OR10AG1: variants seen among roughly 807,000 people sequenced by gnomAD.
OR10AG1 encodes the protein olfactory receptor 10AG1.
For synonymous variants in OR10AG1, 147 were observed against 128.6 expected, an observed-to-expected ratio of 1.14 and a Z score of -0.97; for missense variants, 433 against 376.5, an observed-to-expected ratio of 1.15 and a Z score of -1.24.
chr11:55,967,947 G>C lies in OR10AG1; in HGVS notation c.577C>G (p.Pro193Ala). ...CCACAAGCAAGCTTGAGTATTGGCG[G>C]GATGTCACAAAAGAAATGATTAATT... ...NTINHFFCDI[P>A]PILKLACGNI... The change falls in exon 2 of 2, where the codon CCG becomes GCG. Residue 193 changes from proline (P) to alanine (A), a missense_variant. Transcript: ENST00000641071. 6.2e-7 allele frequency: 1 copy of C among 1,613,994 alleles called. No homozygotes were observed. Among genetic ancestry groups the C allele is most frequent in the Non-Finnish European group, 8.5e-7 (1 of 1,179,972 alleles).
chr11:55,967,991 G>A lies in OR10AG1; in HGVS notation c.533C>T (p.Pro178Leu). Residue 178 changes from proline to leucine, a missense_variant, in exon 2 of 2, where the codon CCC (proline) becomes CTC (leucine). Coordinates refer to ENST00000641071, the MANE Select transcript of OR10AG1 (RefSeq NM_001005491.2). ...ATTAATTGTGTTAGTTCCGCAAAAG[G>A]GCAAAAGGAAAATTTGGCATGTTTC... ...IGETCQIFLL[P>L]FCGTNTINHF... The A allele has an allele frequency of 5.0e-6, 8 of 1,614,018 alleles. No homozygotes were observed. Among genetic ancestry groups the A allele is most frequent in the Non-Finnish European group, 6.8e-6 (8 of 1,179,974 alleles).
chr11:55,966,467 C>T lies in OR10AG1; in HGVS notation c.*1091G>A, dbSNP rs1454807681. On this transcript the variant is annotated 3_prime_UTR_variant, in exon 2 of 2. Transcript: ENST00000641071. Reference sequence around the variant, plus strand: ...CAATTTGTGTGATATATTATTTCCCCTGGTTTATCTTAACAACTTACTGCA... The same window carrying T: ...CAATTTGTGTGATATATTATTTCCCTTGGTTTATCTTAACAACTTACTGCA... 1.3e-5 allele frequency: 2 copies of T among 151,924 alleles called. No individual in the cohort carries two copies. Among genetic ancestry groups the T allele is most frequent in the African/African-American group, 4.8e-5 (2 of 41,308 alleles). 9.4% of individuals were successfully genotyped at this position (151,924 alleles called of 1,614,324 possible).
Position 55,967,654 on chromosome 11 carries a change from G to T in OR10AG1, c.870C>A (p.Thr290=), listed in dbSNP as rs997537950. The T allele has an allele frequency of 6.2e-7, 1 of 1,612,548 alleles. No individual in the cohort carries two copies. The highest frequency in any genetic ancestry group is 8.5e-7 in the Non-Finnish European group (1 of 1,178,746). The change falls in exon 2 of 2, where the codon ACC becomes ACA. Residue 290 remains threonine, a synonymous_variant. Coordinates refer to ENST00000641071, the MANE Select transcript of OR10AG1 (RefSeq NM_001005491.2). ...RMGKLISLFY[T]ILIPTLNPII... Reference sequence around the variant, plus strand: ...TAGGATTCAAAGTTGGAATCAGAATGGTGTAGAAAAGAGAAATCAGTTTCC... The same window carrying T: ...TAGGATTCAAAGTTGGAATCAGAATTGTGTAGAAAAGAGAAATCAGTTTCC...
In OR10AG1 at chr11:55,967,304, A is replaced by G; in HGVS notation, c.*254T>C. The G allele has an allele frequency of 3.0e-6, 1 of 338,518 alleles. No individual in the cohort carries two copies. The highest frequency in any genetic ancestry group is 5.4e-6 in the Non-Finnish European group (1 of 186,742). The allele number at this position is 338,518 out of a possible 1,614,324, so 21.0% of individuals were successfully genotyped here. On this transcript the variant is annotated 3_prime_UTR_variant, in exon 2 of 2. Transcript: ENST00000641071. ...TCAGTTATTTTTCATTTTATTGCTC[A>G]GGTGGTCTCTTAATCAACAGTTAAC...
chr11:55,967,994 A>T lies in OR10AG1; in HGVS notation c.530T>A (p.Leu177Ter). 1 of 1,614,088 alleles carries T rather than the reference A, an allele frequency of 6.2e-7. No homozygotes were observed. The highest frequency in any genetic ancestry group is 8.5e-7 in the Non-Finnish European group (1 of 1,179,992). ...VIGETCQIFL[L>*]PFCGTNTINH... is the part of the protein sequence containing the mutation. ...AATTGTGTTAGTTCCGCAAAAGGGC[A>T]AAAGGAAAATTTGGCATGTTTCCCC... The change falls in exon 2 of 2, where the codon TTG (leucine) becomes TAG (stop). Residue 177 changes from leucine (L) to a stop codon, truncating the protein, a stop_gained. Transcript: ENST00000641071. LOFTEE classifies it low-confidence loss of function (END_TRUNC).
chr11:55,968,032 A>C lies in OR10AG1; in HGVS notation c.492T>G (p.Ile164Met), dbSNP rs1173094484. Reference protein sequence around the residue: ...QLIIASWTITIPVVIGETCQI... With the variant: ...QLIIASWTITMPVVIGETCQI... ...GGCATGTTTCCCCAATTACTACAGG[A>C]ATTGTGATGGTCCAGGAAGCTATTA... Residue 164 changes from isoleucine (I) to methionine (M), a missense_variant, in exon 2 of 2, where the codon ATT (isoleucine) becomes ATG (methionine). Ile to Met is a conservative substitution (Grantham distance 10). Coordinates refer to ENST00000641071, the MANE Select transcript of OR10AG1 (RefSeq NM_001005491.2). 6 of 1,614,036 alleles carry C rather than the reference A, an allele frequency of 3.7e-6. No individual in the cohort carries two copies. The South Asian group carries it at 6.6e-5, about 18-fold the overall frequency.
chr11:55,967,612 C>G lies in OR10AG1; in HGVS notation c.912G>C (p.Arg304Ser). Residue 304 changes from arginine (R) to serine (S), a missense_variant, in exon 2 of 2, where the codon AGG becomes AGC. Arg to Ser is a moderately radical substitution (Grantham distance 110). Coordinates refer to ENST00000641071, the MANE Select transcript of OR10AG1 (RefSeq NM_001005491.2). ...PTLNPIIYTL[R>S]NKDIMVALRK... The stretch of plus-strand genomic sequence containing the variant: ...TCAATGCCACCATGATATCTTTGTT[C>G]CTCAGGGTATATATAATAGGATTCA... The G allele has an allele frequency of 1.9e-6, 3 of 1,608,152 alleles. No homozygotes were observed. The highest frequency in any genetic ancestry group is 2.6e-6 in the Non-Finnish European group (3 of 1,176,200).
intron 1 of OR10AG1, 69 bp downstream of exon 1, chr11:55,969,823 T>C (rs1229978948): frequency 2.5e-6 from 1 of 398,106 alleles, no homozygotes; most frequent in East Asian, 3.6e-5. Context: ...GTTTTATTAG[T>C]TGCATTTCTA....
intron 1 of OR10AG1, 51 bp from the exon 2 acceptor site, chr11:55,968,558 T>C: frequency 1.2e-6 from 1 of 802,192 alleles, no homozygotes; most frequent in Non-Finnish European, 2.0e-6. Context: ...TTTTGAACAA[T>C]ATTTTCCTCT....
chr11:55,968,298 T>G lies in OR10AG1; in HGVS notation c.226A>C (p.Asn76His). 1.9e-6 allele frequency: 3 copies of G among 1,613,698 alleles called. No individual in the cohort carries two copies. The highest frequency in any genetic ancestry group is 2.5e-6 in the Non-Finnish European group (3 of 1,179,746). The change falls in exon 2 of 2, where the codon AAT becomes CAT. Residue 76 changes from asparagine to histidine, a missense_variant. Physicochemically the swap from Asn to His is moderately conservative, Grantham distance 68. Transcript: ENST00000641071. ...LQTPMYFFLS[N>H]FSLLEICYVT... ...TAACAGATTTCCAAAAGGGAAAAAT[T>G]GCTAAGAAAAAAATACATGGGAGTC... is the stretch of plus-strand genomic sequence containing the variant.
rs1464346525 is a variant in OR10AG1 at position 55,968,297 on chromosome 11, T to C, written c.227A>G (p.Asn76Ser). The change falls in exon 2 of 2, where the codon AAT becomes AGT. Residue 76 changes from asparagine (N) to serine (S), a missense_variant. Coordinates refer to ENST00000641071, the MANE Select transcript of OR10AG1 (RefSeq NM_001005491.2). ...LQTPMYFFLSNFSLLEICYVT... is the reference protein window; with the variant it reads ...LQTPMYFFLSSFSLLEICYVT... ...ATAACAGATTTCCAAAAGGGAAAAA[T>C]TGCTAAGAAAAAAATACATGGGAGT... The C allele has an allele frequency of 3.7e-6, 6 of 1,613,564 alleles. No individual in the cohort carries two copies. The highest frequency in any genetic ancestry group is 4.5e-5 in the East Asian group (2 of 44,874).
chr11:55,969,851 A>G, intron 1 of OR10AG1, 41 bp downstream of exon 1: 1 of 398,236 alleles, frequency 2.5e-6, no homozygotes, highest in Non-Finnish European at 4.4e-6. Context: ...ACTTGTAACT[A>G]TTCTTAAATA....
Position 55,968,306 on chromosome 11 carries a change from A to G in OR10AG1, c.218T>C (p.Phe73Ser). The G allele has an allele frequency of 6.2e-7, 1 of 1,613,782 alleles. No individual in the cohort carries two copies. The highest frequency in any genetic ancestry group is 1.7e-5 in the Admixed American group (1 of 60,024). The change falls in exon 2 of 2, where the codon TTT becomes TCT. Residue 73 changes from phenylalanine (F) to serine (S), a missense_variant. Coordinates refer to ENST00000641071, the MANE Select transcript of OR10AG1 (RefSeq NM_001005491.2). ...HPALQTPMYFFLSNFSLLEIC... is the reference protein window; with the variant it reads ...HPALQTPMYFSLSNFSLLEIC... Reference sequence around the variant, plus strand: ...TTCCAAAAGGGAAAAATTGCTAAGAAAAAAATACATGGGAGTCTGGAGAGC... The same window carrying G: ...TTCCAAAAGGGAAAAATTGCTAAGAGAAAAATACATGGGAGTCTGGAGAGC...
At position 55,967,555 on chromosome 11, in the gene OR10AG1, A is replaced by G. The variant is rs61896162; in HGVS notation, c.*3T>C. 0.072 allele frequency: 111,337 copies of G among 1,537,272 alleles called. 4,601 individuals are homozygous for G. Among genetic ancestry groups the G allele is most frequent in the Non-Finnish European group, 0.08 (90,672 of 1,130,470 alleles). Reference sequence around the variant, plus strand: ...ATTATTTCTGTAATTTCAAGTCTTCATCTCATGTTAATAACTTAGCTAGTA... The same window carrying G: ...ATTATTTCTGTAATTTCAAGTCTTCGTCTCATGTTAATAACTTAGCTAGTA... On this transcript the variant is annotated 3_prime_UTR_variant, in exon 2 of 2. Transcript: ENST00000641071.
At position 55,968,180 on chromosome 11, in the gene OR10AG1, A is replaced by C; in HGVS notation, c.344T>G (p.Phe115Cys). 6.2e-7 allele frequency: 1 copy of C among 1,613,362 alleles called. No individual in the cohort carries two copies. The highest frequency in any genetic ancestry group is 8.5e-7 in the Non-Finnish European group (1 of 1,179,996). ...ACACTCCGTGCCTCCAAGCATAAGA[A>C]AAAAACACATTTGTGTAGCACAAGC... ...LFACATQMCF[F>C]LMLGGTECLL... Residue 115 changes from phenylalanine (F) to cysteine (C), a missense_variant, in exon 2 of 2, where the codon TTT becomes TGT. Transcript: ENST00000641071.
chr11:55,966,942 G>A lies in OR10AG1; in HGVS notation c.*616C>T, dbSNP rs541620897. The A allele has an allele frequency of 6.6e-6, 1 of 152,002 alleles. No individual in the cohort carries two copies. The highest frequency in any genetic ancestry group is 1.5e-5 in the Non-Finnish European group (1 of 68,036). 9.4% of individuals were successfully genotyped at this position (152,002 alleles called of 1,614,324 possible). A position where few individuals can be genotyped will look rare whatever the true frequency, so the allele number is the denominator to read the frequency against. The stretch of plus-strand genomic sequence containing the variant: ...AACACACATAGGTAAGGCTAGTTTA[G>A]GATGAAAACTAAATATTAACAAAGC... On this transcript the variant is annotated 3_prime_UTR_variant, in exon 2 of 2. Transcript: ENST00000641071.
chr11:55,969,798 A>G (rs1274815791), intron 1 of OR10AG1, 94 bp downstream of exon 1: 2 of 397,508 alleles, frequency 5.0e-6, no homozygotes, highest in East Asian at 7.2e-5. Flanking sequence ...AGGTCTCAAA[A>G]TTTCATGCTT....
At position 55,968,428 on chromosome 11, in the gene OR10AG1, G is replaced by T; in HGVS notation, c.96C>A (p.Pro32=). The change falls in exon 2 of 2, where the codon CCC becomes CCA. Residue 32 remains proline, a synonymous_variant. Coordinates refer to ENST00000641071, the MANE Select transcript of OR10AG1 (RefSeq NM_001005491.2). ...TACTAAAAAGCATCCAGTGGAGATT[G>T]GGAATATCAGAAAACCCCAAAAGAA... ...EFVLLGFSDI[P]NLHWMLFSIF... is the part of the protein sequence containing the mutation. The T allele has an allele frequency of 6.4e-7, 1 of 1,568,820 alleles. No individual in the cohort carries two copies. Among genetic ancestry groups the T allele is most frequent in the Non-Finnish European group, 8.6e-7 (1 of 1,159,156 alleles).
chr11:55,968,130 C>A lies in OR10AG1; in HGVS notation c.394G>T (p.Asp132Tyr). Residue 132 changes from aspartate to tyrosine, a missense_variant, in exon 2 of 2, where the codon GAC becomes TAC. Coordinates refer to ENST00000641071, the MANE Select transcript of OR10AG1 (RefSeq NM_001005491.2). ...GGCTTACAAATAGCCACGTAGCGGT[C>A]ATAGGCCATCACTGTCAGAAGGAGA... ...ECLLLTVMAY[D>Y]RYVAICKPLQ... The A allele has an allele frequency of 6.2e-7, 1 of 1,613,862 alleles. No individual in the cohort carries two copies. Among genetic ancestry groups the A allele is most frequent in the South Asian group, 1.1e-5 (1 of 91,048 alleles).
Sources: gnomAD v4.1 joint callset for allele counts on GRCh38, gnomAD v4.1.1 for gene constraint, MANE v1.5 for transcripts, NCBI Gene and HGNC (gene_info 2026-07-23, HGNC 2026-07-21) for gene names.